Variants in DGKH observed in about 807,000 individuals in gnomAD.
DGKH encodes the protein diacylglycerol kinase eta, also known as DAG kinase eta.
Under a neutral mutation model 159.3 loss-of-function variants are expected in DGKH, and 90 were observed. The ratio of observed to expected loss-of-function variants is 0.57; its 90% CI spans 0.48 to 0.67. The LOEUF (loss-of-function observed/expected upper bound fraction) is 0.67. Among genes scored for constraint, DGKH ranks in the 30% least tolerant of loss-of-function variants. The probability of loss-of-function intolerance (pLI) is 0.00; values close to 1 mark genes in which losing one functional copy is unlikely to be tolerated. For synonymous variants in DGKH, 536 were observed against 553.8 expected, an observed-to-expected ratio of 0.97 and a Z score of 0.45; for missense variants, 1,181 against 1,506.1, an observed-to-expected ratio of 0.78 and a Z score of 3.57.
chr13:42,140,110 C>T (rs981084111), intron 3 of DGKH, among the ~76,000 whole-genome samples: 2 of 152,210 alleles, frequency 1.3e-5, no homozygotes, highest in African/African-American at 4.8e-5. Context: ...ATTTCTGAGG[C>T]CAAACCCTGG....
At chr13:42,192,997 C>T (rs915862151) in intron 16 of DGKH, among the ~76,000 whole-genome samples, 1 of 152,214 alleles carries the variant, frequency 6.6e-6, no homozygotes. Flanking sequence ...TAGTAGTTTA[C>T]ACTCATCCCA....
intron 26 of DGKH, 89 bp from the exon 27 acceptor site, chr13:42,219,141 T>A: frequency 1.3e-6 from 2 of 1,517,880 alleles, no homozygotes; most frequent in Admixed American, 2.0e-5. Context: ...GGAGTGAGGC[T>A]GTTCACTGTC....
At chr13:42,184,221 TA>T (rs1172412607) in intron 13 of DGKH, among the ~76,000 whole-genome samples, 1 of 152,196 alleles carries the variant, frequency 6.6e-6, no homozygotes, top group African/African-American at 2.4e-5. Context: ...AACTTTTTAT[TA>T]GATGAAAAAT....
chr13:42,093,339 G>A (rs1479120869), intron 1 of DGKH, among the ~76,000 whole-genome samples: 1 of 151,854 alleles, frequency 6.6e-6, no homozygotes, highest in Non-Finnish European at 1.5e-5. Flanking sequence ...TAGGATGGCT[G>A]CTCTTAAAAA....
Position 42,219,801 on chromosome 13 carries a change from G to A in DGKH, c.3442+7G>A, listed in dbSNP as rs982740301. 1 of 1,609,968 alleles carries A rather than the reference G, an allele frequency of 6.2e-7. No individual in the cohort carries two copies. Among genetic ancestry groups the A allele is most frequent in the African/African-American group, 1.3e-5 (1 of 74,836 alleles). On this transcript the variant is annotated splice_region_variant and intron_variant, in intron 28 of 29. Coordinates refer to ENST00000337343, the MANE Select transcript of DGKH (RefSeq NM_178009.5). ...AAGACAAGTTCACAGCCTGGTAGGT[G>A]GTCCATATGGAAGGGGAAATATAAC...
chr13:42,149,866 T>C (rs1433410497), intron 3 of DGKH, among the ~76,000 whole-genome samples: 2 of 152,224 alleles, frequency 1.3e-5, no homozygotes, highest in African/African-American at 4.8e-5. Context: ...AGAAAACTCT[T>C]ATTTTTCAAA....
intron 29 of DGKH, among the ~76,000 whole-genome samples, chr13:42,250,207 G>A (rs2138338269): frequency 6.6e-6 from 1 of 150,904 alleles, no homozygotes; most frequent in East Asian, 2.0e-4. Flanking sequence ...CTGACCTCCT[G>A]ATCCACCCGC....
At chr13:42,155,533 C>A in intron 4 of DGKH, 134 bp from the exon 5 acceptor site, 1 of 1,538,614 alleles carries the variant, frequency 6.5e-7, no homozygotes, top group Non-Finnish European at 8.9e-7. Flanking sequence ...AAATTCTTAT[C>A]TTAAAGCAAA....
intron 20 of DGKH, 139 bp downstream of exon 20, chr13:42,200,048 T>C: frequency 1.5e-6 from 1 of 686,628 alleles, no homozygotes; most frequent in Non-Finnish European, 2.3e-6. Flanking sequence ...GATTATCAAC[T>C]TTGTACTAAA....
chr13:42,047,224 T>G (rs1353122872), upstream of DGKH, among the ~76,000 whole-genome samples: 1 of 152,246 alleles, frequency 6.6e-6, no homozygotes, highest in East Asian at 1.9e-4. Context: ...GAATTTAATT[T>G]ACAGTGTGAT....
intron 29 of DGKH, among the ~76,000 whole-genome samples, chr13:42,247,951 A>C (rs763501480): frequency 3.3e-5 from 5 of 152,252 alleles, no homozygotes; most frequent in Non-Finnish European, 7.3e-5. Context: ...AAAATGTTTC[A>C]GTAAGCTAAT....
intron 1 of DGKH, among the ~76,000 whole-genome samples, chr13:42,092,854 G>T (rs147245317): frequency 6.6e-6 from 1 of 152,054 alleles, no homozygotes; most frequent in South Asian, 2.1e-4. Flanking sequence ...AACAGCATGT[G>T]TACACCCAAA....
chr13:42,198,906 A>G (rs1342256171), intron 18 of DGKH, among the ~76,000 whole-genome samples: 1 of 152,156 alleles, frequency 6.6e-6, no homozygotes, highest in Non-Finnish European at 1.5e-5. Flanking sequence ...CAGTCTTGCC[A>G]GATCTGTCAT....
chr13:42,127,219 T>C (rs1955187931), intron 1 of DGKH, among the ~76,000 whole-genome samples: 1 of 152,226 alleles, frequency 6.6e-6, no homozygotes, highest in South Asian at 2.1e-4. Flanking sequence ...TATTAGTGTA[T>C]GTGCATGTGT....
At chr13:42,107,100 C>T (rs1954775300) in intron 1 of DGKH, among the ~76,000 whole-genome samples, 1 of 152,226 alleles carries the variant, frequency 6.6e-6, no homozygotes, top group Non-Finnish European at 1.5e-5. Context: ...GAATCTATTG[C>T]AATTTACAAA....
intron 20 of DGKH, among the ~76,000 whole-genome samples, chr13:42,201,217 T>G (rs1957339847): frequency 6.6e-6 from 1 of 152,172 alleles, no homozygotes; most frequent in South Asian, 2.1e-4. Context: ...GGTTTCCATC[T>G]CTTGACCTCA....
In DGKH at chr13:42,226,203, C is replaced by A. The variant is rs1395879972; in HGVS notation, c.3574-2896C>A. On this transcript the variant is annotated intron_variant, in intron 29 of 29. Coordinates refer to ENST00000337343, the MANE Select transcript of DGKH (RefSeq NM_178009.5). The stretch of plus-strand genomic sequence containing the variant: ...ACAAACATATGAAAAAAAAGTTCAA[C>A]ATCAGTGATCATTAGAGAAGTGCAA... Among the ~76,000 whole-genome samples, 7 of 152,220 alleles carry A rather than the reference C, an allele frequency of 4.6e-5. No homozygotes were observed. The East Asian group carries it at 1.2e-3, about 25-fold the overall frequency.
intron 11 of DGKH, among the ~76,000 whole-genome samples, chr13:42,173,090 G>C (rs1251204895): frequency 1.3e-5 from 2 of 152,108 alleles, no homozygotes; most frequent in Non-Finnish European, 2.9e-5. Flanking sequence ...TCCCTCCTCA[G>C]CAATCCAAGT....
chr13:42,061,770 C>A (rs1882186091), intron 1 of DGKH, among the ~76,000 whole-genome samples: 1 of 152,166 alleles, frequency 6.6e-6, no homozygotes, highest in African/African-American at 2.4e-5. Context: ...TACTAAATGA[C>A]CTTTCTATTC....
Sources: gnomAD v4.1 joint callset for allele counts (sites outside exome capture counted in the v4.1 genomes callset) on GRCh38, gnomAD v4.1.1 for gene constraint, MANE v1.5 for transcripts, NCBI Gene and HGNC (gene_info 2026-07-23, HGNC 2026-07-21) for gene names.